ZSWIM4: variants seen among roughly 807,000 people sequenced by gnomAD.
ZSWIM4 encodes the protein zinc finger SWIM-type containing 4.
Under a neutral mutation model 102.5 loss-of-function variants are expected in ZSWIM4, and 62 were observed. The ratio of observed to expected loss-of-function variants is 0.60; its 90% confidence interval spans 0.49 to 0.75. ZSWIM4 has a LOEUF of 0.75. ZSWIM4 is among the 30% of genes least tolerant of loss of function. The pLI is 0.00. For synonymous variants in ZSWIM4, 652 were observed against 674.5 expected (o/e 0.97, Z 0.52); for missense variants, 1,280 against 1,529.6 (o/e 0.84, Z 2.72).
At chr19:13,822,999 A>C (rs1387562169) in intron 10 of ZSWIM4, among the ~76,000 whole-genome samples, 1 of 151,478 alleles carries the variant, frequency 6.6e-6, no homozygotes, top group African/African-American at 2.4e-5. Context: ...AAAAAGAAAG[A>C]AAAAAGCCAG....
Position 13,799,834 on chromosome 19 carries a change from C to G in ZSWIM4, c.268C>G (p.Pro90Ala). ...GTACTCGTCGCTGGGTTACCCGCCC[C>G]CAGAGGGCGAGCACGATGCCCGGGT... ...CMYSSLGYPP[P>A]EGEHDARVPF... Residue 90 changes from proline to alanine, a missense_variant, in exon 2 of 14, where the codon CCA becomes GCA. Coordinates refer to ENST00000590508, the MANE Select transcript of ZSWIM4 (RefSeq NM_001367834.3). The G allele has an allele frequency of 6.2e-7, 1 of 1,613,912 alleles. No individual in the cohort carries two copies. Among genetic ancestry groups the G allele is most frequent in the Non-Finnish European group, 8.5e-7 (1 of 1,180,018 alleles).
chr19:13,795,823 G>T (rs1396388115), intron 1 of ZSWIM4, 22 bp downstream of exon 1: 1 of 1,230,444 alleles, frequency 8.1e-7, no homozygotes, highest in East Asian at 3.1e-5. Context: ...GGAAGGGGGC[G>T]GGGGCAGGGA....
intron 13 of ZSWIM4, 46 bp from the exon 14 acceptor site, chr19:13,830,145 G>T (rs10403445): frequency 6.3e-7 from 1 of 1,576,258 alleles, no homozygotes; most frequent in Non-Finnish European, 8.6e-7. Context: ...ATGTACGTGT[G>T]TCTGCCCCCG....
chr19:13,831,127 G>A lies in ZSWIM4; in HGVS notation c.*77G>A. 2.0e-6 allele frequency: 3 copies of A among 1,494,474 alleles called. No homozygotes were observed. Among genetic ancestry groups the A allele is most frequent in the Non-Finnish European group, 2.7e-6 (3 of 1,127,856 alleles). 92.6% of individuals were successfully genotyped at this position (1,494,474 alleles called of 1,614,324 possible). A position where few individuals can be genotyped will look rare whatever the true frequency, so the allele number is the denominator to read the frequency against. ...ACCCTTGCTCTCCAATTAGGCCCAC[G>A]TGGCATTTCAGTATTATTAAGTCAG... On this transcript the variant is annotated 3_prime_UTR_variant, in exon 14 of 14. Transcript: ENST00000590508.
In ZSWIM4 at chr19:13,831,511, A is replaced by G. The variant is rs1376804809; in HGVS notation, c.*461A>G. ...AGGGCCCCCCATTATGCCACCTCCAAAGTGGCTGCCCAGCCAGGACCATTG... is the reference window on the plus strand; with the variant it reads ...AGGGCCCCCCATTATGCCACCTCCAGAGTGGCTGCCCAGCCAGGACCATTG... On this transcript the variant is annotated 3_prime_UTR_variant, in exon 14 of 14. Coordinates refer to ENST00000590508, the MANE Select transcript of ZSWIM4 (RefSeq NM_001367834.3). 1 of 143,874 alleles carries G rather than the reference A, an allele frequency of 7.0e-6. No individual in the cohort carries two copies. Among genetic ancestry groups the G allele is most frequent in the African/African-American group, 2.7e-5 (1 of 37,616 alleles). 8.9% of individuals were successfully genotyped at this position (143,874 alleles called of 1,614,324 possible). A position where few individuals can be genotyped will look rare whatever the true frequency, so the allele number is the denominator to read the frequency against.
chr19:13,809,223 G>A lies in ZSWIM4; in HGVS notation c.1012+3G>A, dbSNP rs750735370. The A allele has an allele frequency of 1.3e-6, 2 of 1,598,962 alleles. No homozygotes were observed. Among genetic ancestry groups the A allele is most frequent in the South Asian group, 1.1e-5 (1 of 90,570 alleles). The stretch of plus-strand genomic sequence containing the variant: ...CCGGCAGCTCTGGGATGAGCTGGGT[G>A]AGGCCCAAACCCCGGTGCGTGGTGG... On this transcript the variant is annotated splice_donor_region_variant and intron_variant, in intron 5 of 13. Transcript: ENST00000590508. The surrounding 1 kb of genome is among the most constrained non-coding windows in gnomAD (Gnocchi z 4.2).
chr19:13,809,831 G>T lies in ZSWIM4; in HGVS notation c.1012+611G>T, dbSNP rs900261247. On this transcript the variant is annotated intron_variant, in intron 5 of 13. Coordinates refer to ENST00000590508, the MANE Select transcript of ZSWIM4 (RefSeq NM_001367834.3). The surrounding 1 kb of genome is among the most constrained non-coding windows in gnomAD (Gnocchi z 4.2). ...TTTTAGAGACAGGATCTCACTGTGC[G>T]CCCAGGCTGAAGTACAGTGGCACAG... Among the ~76,000 whole-genome samples the T allele has an allele frequency of 6.6e-6, 1 of 151,910 alleles. No individual in the cohort carries two copies. Among genetic ancestry groups the T allele is most frequent in the African/African-American group, 2.4e-5 (1 of 41,366 alleles).
intron 6 of ZSWIM4, 115 bp from the exon 7 acceptor site, chr19:13,814,400 C>A: frequency 2.6e-6 from 1 of 382,082 alleles, no homozygotes; most frequent in Non-Finnish European, 4.0e-6. Flanking sequence ...ATGATGTATG[C>A]CCATAGCTTT....
chr19:13,807,366 G>A (rs1002684804), intron 3 of ZSWIM4, among the ~76,000 whole-genome samples: 2 of 151,998 alleles, frequency 1.3e-5, no homozygotes, highest in African/African-American at 4.8e-5. Context: ...CTTGGGTGGG[G>A]GTGGATAAGT....
At position 13,795,577 on chromosome 19, in the gene ZSWIM4, G is replaced by A. The variant is rs936674218; in HGVS notation, c.-72G>A. On this transcript the variant is annotated 5_prime_UTR_variant, in exon 1 of 14. Transcript: ENST00000590508. ...AGGAGGGCAGGGGGCGCGGGAGCCG[G>A]CGAAGCGGAGCGGGCATCGGACCGA... The A allele has an allele frequency of 6.2e-5, 15 of 243,900 alleles. No homozygotes were observed. The highest frequency in any genetic ancestry group is 2.1e-4 in the African/African-American group (9 of 43,412). The allele number at this position is 243,900 out of a possible 1,614,324, so 15.1% of individuals were successfully genotyped here.
At chr19:13,811,134 C>T (rs1201220927) in intron 5 of ZSWIM4, among the ~76,000 whole-genome samples, 5 of 151,912 alleles carry the variant, frequency 3.3e-5, no homozygotes, top group South Asian at 2.1e-4. Context: ...AGGATGGTCT[C>T]GATCTCCTGA....
At position 13,805,065 on chromosome 19, in the gene ZSWIM4, C is replaced by T. The variant is rs200104413; in HGVS notation, c.629C>T (p.Ala210Val). The T allele has an allele frequency of 1.9e-6, 3 of 1,608,740 alleles. No homozygotes were observed. Among genetic ancestry groups the T allele is most frequent in the Non-Finnish European group, 2.5e-6 (3 of 1,180,000 alleles). The part of the protein sequence containing the change: ...LQKFVQYLIS[A>V]HHTEVLPTAQ... ...AAGTTCGTGCAGTACCTCATCAGCG[C>T]CCATCACACTGAGGTGCTGCCCACT... Residue 210 changes from alanine to valine, a missense_variant, in exon 3 of 14, where the codon GCC becomes GTC. Ala to Val is a moderately conservative substitution (Grantham distance 64). Transcript: ENST00000590508.
At chr19:13,819,317 G>A (rs112129442) in intron 9 of ZSWIM4, 40 bp from the exon 10 acceptor site, 39 of 1,610,884 alleles carry the variant, frequency 2.4e-5, no homozygotes, top group African/African-American at 1.2e-4. Context: ...GGGCAGAGGC[G>A]AGCCCACACT....
chr19:13,812,458 C>CTTCT (rs1975126215), intron 5 of ZSWIM4, among the ~76,000 whole-genome samples: 1 of 117,466 alleles, frequency 8.5e-6, no homozygotes, highest in African/African-American at 3.4e-5. Flanking sequence ...GTAATCCCAA[C>CTTCT]TTTTTTTTTT....
chr19:13,821,855 G>A (rs1213709495), intron 10 of ZSWIM4, among the ~76,000 whole-genome samples: 1 of 151,986 alleles, frequency 6.6e-6, no homozygotes, highest in Admixed American at 6.6e-5. Flanking sequence ...TCCTGCCTCA[G>A]CCTCCCAAGT....
chr19:13,808,931 T>C lies in ZSWIM4; in HGVS notation c.808T>C (p.Ser270Pro), dbSNP rs1433450981. The change falls in exon 4 of 14, where the codon TCC becomes CCC. Residue 270 changes from serine (S) to proline (P), a missense_variant. Physicochemically the swap from Ser to Pro is moderately conservative, Grantham distance 74 (BLOSUM62 -1). Coordinates refer to ENST00000590508, the MANE Select transcript of ZSWIM4 (RefSeq NM_001367834.3). ...QIQEQVKQLL[S>P]NGGYYGASQQ... is the part of the protein sequence containing the mutation. ...CCAGGAGCAGGTGAAGCAGCTACTG[T>C]CCAATGGCGGCTACTACGGGGCCAG... 7.4e-6 allele frequency: 12 copies of C among 1,611,018 alleles called. No individual in the cohort carries two copies. The highest frequency in any genetic ancestry group is 6.8e-6 in the Non-Finnish European group (8 of 1,178,840).
chr19:13,808,117 C>G (rs1216201275), intron 3 of ZSWIM4, among the ~76,000 whole-genome samples: 2 of 152,028 alleles, frequency 1.3e-5, no homozygotes, highest in Non-Finnish European at 2.9e-5. Context: ...CATGAGACAA[C>G]ACTAAGGGAA....
rs1975012144 is a variant in ZSWIM4, at chr19:13,809,318, T to A, written c.1012+98T>A. ...TAGGGTCTGTTCCCTGAATCCGCCC[T>A]CCATTCGTTTGGCAAACATTTATGA... is the stretch of plus-strand genomic sequence containing the variant. On this transcript the variant is annotated intron_variant, in intron 5 of 13. Coordinates refer to ENST00000590508, the MANE Select transcript of ZSWIM4 (RefSeq NM_001367834.3). The surrounding 1 kb of genome is among the most constrained non-coding windows in gnomAD (Gnocchi z 4.2). 5 of 1,450,616 alleles carry A rather than the reference T, an allele frequency of 3.4e-6. 1 individual carries two copies. The East Asian group carries it at 1.2e-4, about 35-fold the overall frequency. 89.9% of individuals were successfully genotyped at this position (1,450,616 alleles called of 1,614,324 possible).
In ZSWIM4 at chr19:13,808,947, A is replaced by G. The variant is rs149065965; in HGVS notation, c.824A>G (p.Tyr275Cys). Residue 275 changes from tyrosine (Y) to cysteine (C), a missense_variant, in exon 4 of 14, where the codon TAC becomes TGC. Tyr to Cys is a radical substitution (Grantham distance 194, BLOSUM62 -2). Transcript: ENST00000590508. ...VKQLLSNGGYYGASQQLRSMF... is the reference protein window; with the variant it reads ...VKQLLSNGGYCGASQQLRSMF... The stretch of plus-strand genomic sequence containing the variant: ...CAGCTACTGTCCAATGGCGGCTACT[A>G]CGGGGCCAGCCAGCAGCTGCGCTCC... 1.1e-3 allele frequency: 1,728 copies of G among 1,609,634 alleles called. 11 individuals are homozygous for G. The highest frequency in any genetic ancestry group is 0.011 in the Middle Eastern group (64 of 6,052).
Sources: allele counts gnomAD v4.1 joint callset (sites outside exome capture counted in the v4.1 genomes callset), GRCh38; gene constraint gnomAD v4.1.1; non-coding constraint Gnocchi (gnomAD v3.1); transcripts MANE v1.5; gene names NCBI Gene and HGNC (gene_info 2026-07-23, HGNC 2026-07-21).